The following AK6 variants were observed in gnomAD, a reference collection of about 807,000 sequenced individuals.
The protein encoded by AK6 is adenylate kinase isoenzyme 6.
Under a neutral mutation model 23.7 loss-of-function variants are expected in AK6, and 24 were observed. The observed-to-expected ratio is 1.01, with a 90% CI of 0.73 to 1.43. The LOEUF is 1.43. Ranked by LOEUF, AK6 falls within the 40% of genes most tolerant of loss-of-function variation. The probability of loss-of-function intolerance (pLI) is 0.00; values close to 1 mark genes in which losing one functional copy is unlikely to be tolerated. For synonymous variants in AK6, 73 were observed against 69.8 expected (o/e 1.05, Z -0.23); for missense variants, 191 against 199.1 (o/e 0.96, Z 0.24).
chr5:69,355,890 C>T lies in AK6; in HGVS notation c.180+5G>A. Reference sequence around the variant, plus strand: ...ATGCATACTTTATGAAAAAGTCATACTTACTCTGTCTTCATCTAAAATGGG... The same window carrying T: ...ATGCATACTTTATGAAAAAGTCATATTTACTCTGTCTTCATCTAAAATGGG... On this transcript the variant is annotated splice_donor_5th_base_variant and intron_variant, in intron 3 of 4. Transcript: ENST00000380822. The T allele has an allele frequency of 4.4e-6, 7 of 1,608,668 alleles. No homozygotes were observed. The highest frequency in any genetic ancestry group is 2.2e-5 in the East Asian group (1 of 44,800).
At chr5:69,357,940 CAT>C (rs1439006817) in intron 2 of AK6, among the ~76,000 whole-genome samples, 2 of 152,004 alleles carry the variant, frequency 1.3e-5, no homozygotes, top group Non-Finnish European at 2.9e-5. Flanking sequence ...TTATAGTTAA[CAT>C]AGTTTAAAAA....
rs1161101878 is a variant in AK6, at chr5:69,369,473, G to A, written c.18C>T (p.Ile6=). The A allele has an allele frequency of 4.3e-6, 7 of 1,611,208 alleles. No individual in the cohort carries two copies. Among genetic ancestry groups the A allele is most frequent in the Non-Finnish European group, 5.1e-6 (6 of 1,179,298 alleles). MLLPN[I]LLTGTPGVGK... ...GCCGCGCGCCCTGACCGGTGAGCAG[G>A]ATGTTCGGAAGCAACATGGTCCCCG... The change falls in exon 1 of 5, where the codon ATC becomes ATT. Residue 6 remains isoleucine (I), a synonymous_variant. Transcript: ENST00000380822.
chr5:69,358,087 T>C (rs570225045), intron 2 of AK6, among the ~76,000 whole-genome samples: 1 of 152,328 alleles, frequency 6.6e-6, no homozygotes, highest in East Asian at 1.9e-4. Context: ...GGAGTATTTT[T>C]CCATATACTA....
At chr5:69,360,963 T>C (rs530407289) in intron 2 of AK6, among the ~76,000 whole-genome samples, 3 of 152,184 alleles carry the variant, frequency 2.0e-5, no homozygotes, top group Non-Finnish European at 4.4e-5. Context: ...GTCAATATAT[T>C]ACTTCGTCTA....
At chr5:69,363,613 T>A (rs779828290) in intron 2 of AK6, among the ~76,000 whole-genome samples, 3 of 151,596 alleles carry the variant, frequency 2.0e-5, no homozygotes, top group Non-Finnish European at 2.9e-5. Context: ...TGAAACCCCG[T>A]CTCTACTAAA....
rs1375757102 is a variant in AK6, at chr5:69,359,330, C to T, written c.122-3377G>A. Among the ~76,000 whole-genome samples the T allele has an allele frequency of 3.3e-5, 5 of 152,046 alleles. No individual in the cohort carries two copies. In the East Asian group the frequency reaches 7.7e-4, roughly 23 times the overall value. On this transcript the variant is annotated intron_variant, in intron 2 of 4. Coordinates refer to ENST00000380822, the MANE Select transcript of AK6 (RefSeq NM_016283.5). ...CATGATCCTGGCTCACTGCAACCTC[C>T]GTCTCCTGGGTTCAAGCAATTCTCC...
chr5:69,355,525 T>C, intron 4 of AK6, 124 bp downstream of exon 4: 3 of 1,100,420 alleles, frequency 2.7e-6, no homozygotes, highest in Admixed American at 3.0e-5. Flanking sequence ...CGAGACTCTA[T>C]CTCAAAAAAA....
intron 4 of AK6, among the ~76,000 whole-genome samples, chr5:69,354,581 C>T (rs1027610773): frequency 3.9e-5 from 6 of 152,170 alleles, no homozygotes; most frequent in African/African-American, 1.4e-4. Context: ...TAAAAGACTT[C>T]CCTAAAAGTT....
chr5:69,361,906 C>T (rs144076596), intron 2 of AK6, among the ~76,000 whole-genome samples: 1 of 150,856 alleles, frequency 6.6e-6, no homozygotes, highest in East Asian at 2.0e-4. Context: ...CATGCTGGGC[C>T]AAAGTGCTGG....
At position 69,364,502 on chromosome 5, in the gene AK6, T is replaced by TG. The variant is rs569556187; in HGVS notation, c.121+2000dup. On this transcript the variant is annotated intron_variant, in intron 2 of 4. Coordinates refer to ENST00000380822, the MANE Select transcript of AK6 (RefSeq NM_016283.5). Reference sequence around the variant, plus strand: ...ACTATGAATAAAAATCCTGACCAACTGGTCTCTCCAAAGGGGAGTCATGGT... The same window carrying TG: ...ACTATGAATAAAAATCCTGACCAACTGGGTCTCTCCAAAGGGGAGTCATGGT... 2.4e-4 allele frequency among the ~76,000 whole-genome samples: 36 copies of TG among 152,318 alleles called. No individual in the cohort carries two copies. The East Asian group carries it at 5.4e-3, about 23-fold the overall frequency.
chr5:69,358,979 G>A (rs1468825255), intron 2 of AK6, among the ~76,000 whole-genome samples: 12 of 151,792 alleles, frequency 7.9e-5, no homozygotes, highest in Non-Finnish European at 1.2e-4. Flanking sequence ...GGTGGTTCGC[G>A]CTTATAATCC....
chr5:69,362,394 TCC>T (rs374013578), intron 2 of AK6, among the ~76,000 whole-genome samples: 154 of 152,254 alleles, frequency 1.0e-3, no homozygotes, highest in African/African-American at 3.5e-3. Context: ...TAAAAATATA[TCC>T]CCACTTGAAA....
Position 69,351,982 on chromosome 5 carries a change from G to A in AK6, c.*79C>T, listed in dbSNP as rs1761959345. The A allele has an allele frequency of 4.8e-6, 6 of 1,257,178 alleles. No homozygotes were observed. Among genetic ancestry groups the A allele is most frequent in the African/African-American group, 4.5e-5 (3 of 67,102 alleles). 77.9% of individuals were successfully genotyped at this position (1,257,178 alleles called of 1,614,324 possible). A position where few individuals can be genotyped will look rare whatever the true frequency, so the allele number is the denominator to read the frequency against. ...TTCTGCAACATGATTTTAATAAAGTGTTACTGACACTTGAACAATTTCTAT... is the reference window on the plus strand; with the variant it reads ...TTCTGCAACATGATTTTAATAAAGTATTACTGACACTTGAACAATTTCTAT... On this transcript the variant is annotated 3_prime_UTR_variant, in exon 5 of 5. Coordinates refer to ENST00000380822, the MANE Select transcript of AK6 (RefSeq NM_016283.5).
At position 69,352,219 on chromosome 5, in the gene AK6, G is replaced by A; in HGVS notation, c.361C>T (p.Gln121Ter). 2 of 1,613,510 alleles carry A rather than the reference G, an allele frequency of 1.2e-6. No homozygotes were observed. The highest frequency in any genetic ancestry group is 4.5e-5 in the East Asian group (2 of 44,848). Reference sequence around the variant, plus strand: ...TAAAGAACTTGAAAAATCTCACACTGAATATTGTCTGTTAGTTTCTTCTCA... The same window carrying A: ...TAAAGAACTTGAAAAATCTCACACTAAATATTGTCTGTTAGTTTCTTCTCA... The part of the protein sequence containing the change: ...YNEKKLTDNI[Q>*]CEIFQVLYEE... The change falls in exon 5 of 5, where the codon CAG becomes TAG. Residue 121 changes from glutamine to a stop codon, truncating the protein, a stop_gained. Transcript: ENST00000380822. LOFTEE classifies it high-confidence loss of function.
At chr5:69,361,343 A>G (rs983582359) in intron 2 of AK6, among the ~76,000 whole-genome samples, 11 of 152,028 alleles carry the variant, frequency 7.2e-5, no homozygotes, top group Admixed American at 3.9e-4. Flanking sequence ...GGATGGTCTC[A>G]ATCTCCTGAC....
intron 2 of AK6, chr5:69,365,866 A>T (rs903558291): frequency 2.2e-5 from 16 of 730,914 alleles, no homozygotes; most frequent in African/African-American, 1.1e-4. Flanking sequence ...CTGTAAAAAA[A>T]TTTTTAAAAT....
At chr5:69,365,507 G>C in intron 2 of AK6, 1 of 1,613,882 alleles carries the variant, frequency 6.2e-7, no homozygotes, top group East Asian at 2.2e-5. Context: ...GATCAGCGCG[G>C]CACTGGATTG....
intron 2 of AK6, among the ~76,000 whole-genome samples, chr5:69,366,094 C>T (rs1762411378): frequency 6.6e-6 from 1 of 152,108 alleles, no homozygotes; most frequent in Non-Finnish European, 1.5e-5. Context: ...TCTAAGATAC[C>T]ATAGCATAGT....
At chr5:69,366,477 A>G in intron 2 of AK6, 26 bp downstream of exon 2, 1 of 1,593,102 alleles carries the variant, frequency 6.3e-7, no homozygotes, top group Non-Finnish European at 8.6e-7. Context: ...AAAACAAAAC[A>G]AATCTAACAC....
Sources: gnomAD v4.1 joint callset for allele counts (sites outside exome capture counted in the v4.1 genomes callset) on GRCh38, gnomAD v4.1.1 for gene constraint, MANE v1.5 for transcripts, NCBI Gene and HGNC (gene_info 2026-07-23, HGNC 2026-07-21) for gene names.